Variants in MED12L observed in about 807,000 individuals in gnomAD.
The protein encoded by MED12L is mediator complex subunit 12L.
Under a neutral mutation model 281.3 loss-of-function variants are expected in MED12L, and 60 were observed. The observed-to-expected ratio is 0.21, with a 90% CI of 0.17 to 0.26. The LOEUF is 0.26. Ranked by LOEUF, MED12L falls within the 10% of genes least tolerant of loss-of-function variation. MED12L has a pLI of 1.00. For synonymous variants in MED12L, 974 were observed against 987.2 expected, an observed-to-expected ratio of 0.99 and a Z score of 0.25; for missense variants, 2,146 against 2,680.9, an observed-to-expected ratio of 0.80 and a Z score of 4.41.
At chr3:151,229,388 A>G (rs556110169) in intron 16 of MED12L, among the ~76,000 whole-genome samples, 1 of 143,096 alleles carries the variant, frequency 7.0e-6, no homozygotes, top group South Asian at 2.2e-4. Flanking sequence ...GCTCACTGCA[A>G]CCTCGCCTCC....
chr3:151,393,200 C>G (rs960622830), intron 38 of MED12L, among the ~76,000 whole-genome samples: 7 of 151,980 alleles, frequency 4.6e-5, no homozygotes, highest in African/African-American at 1.7e-4. Context: ...TCTGCTTTTT[C>G]CAAAGAGGAT....
Position 151,387,959 on chromosome 3 carries a change from G to A in MED12L, c.5238G>A (p.Leu1746=), listed in dbSNP as rs530265514. Residue 1746 remains leucine (L), a synonymous_variant, in exon 37 of 45, where the codon CTG becomes CTA. Coordinates refer to ENST00000687756, the MANE Select transcript of MED12L (RefSeq NM_001393769.1). ...ACGAGGAGCAGCATCACCTCCTGCT[G>A]TATCACACACACCCCATGCCCAAGC... ...IKYEEQHHLL[L]YHTHPMPKPR... 1.2e-6 allele frequency: 2 copies of A among 1,613,958 alleles called. No individual in the cohort carries two copies. Among genetic ancestry groups the A allele is most frequent in the South Asian group, 2.2e-5 (2 of 91,058 alleles).
chr3:151,196,703 T>C (rs1724706008), intron 16 of MED12L, among the ~76,000 whole-genome samples: 2 of 152,246 alleles, frequency 1.3e-5, no homozygotes, highest in Non-Finnish European at 2.9e-5. Context: ...TGCTGGAGTT[T>C]CTGTCATTAC....
At position 151,164,000 on chromosome 3, in the gene MED12L, C is replaced by T; in HGVS notation, c.1215C>T (p.Ser405=). 1 of 1,613,784 alleles carries T rather than the reference C, an allele frequency of 6.2e-7. No individual in the cohort carries two copies. Among genetic ancestry groups the T allele is most frequent in the South Asian group, 1.1e-5 (1 of 91,012 alleles). ...TGGATCTGCTGCAGGTGGCCCCGTC[C>T]AGCCTCCCCATGCCGGGTGGGAACA... ...SPLDLLQVAP[S]SLPMPGGNTA... is the part of the protein sequence containing the mutation. Residue 405 remains serine (S), a synonymous_variant, in exon 9 of 45, where the codon TCC becomes TCT. Coordinates refer to ENST00000687756, the MANE Select transcript of MED12L (RefSeq NM_001393769.1).
At chr3:151,268,659 T>C (rs1740290730) in intron 16 of MED12L, among the ~76,000 whole-genome samples, 1 of 152,228 alleles carries the variant, frequency 6.6e-6, no homozygotes, top group Non-Finnish European at 1.5e-5. Context: ...AGGCTGAGCA[T>C]AGAGCCTTTA....
chr3:151,268,399 C>A (rs1295535289), intron 16 of MED12L, among the ~76,000 whole-genome samples: 1 of 152,162 alleles, frequency 6.6e-6, no homozygotes, highest in East Asian at 1.9e-4. Flanking sequence ...GGTGAGCATA[C>A]TGCTCTCCAT....
At chr3:151,249,218 AGT>A (rs1250958968) in intron 16 of MED12L, 1 of 152,222 alleles carries the variant, frequency 6.6e-6, no homozygotes, top group Non-Finnish European at 1.5e-5. Context: ...AGACTGAGCA[AGT>A]GAGAGCTCCA....
At chr3:151,190,651 C>A in intron 13 of MED12L, 66 bp from the exon 14 acceptor site, 1 of 1,353,572 alleles carries the variant, frequency 7.4e-7, no homozygotes, top group Non-Finnish European at 1.0e-6. Context: ...AAATATTAAG[C>A]CTTAGTAATT....
rs533507815 is a variant in MED12L, at chr3:151,432,304, G to C, written c.6491-448G>C. Among the ~76,000 whole-genome samples, 4 of 152,332 alleles carry C rather than the reference G, an allele frequency of 2.6e-5. No individual in the cohort carries two copies. In the East Asian group the frequency reaches 7.7e-4, roughly 29 times the overall value. The stretch of plus-strand genomic sequence containing the variant: ...CAGTCTTGCACCTGCATATACTCTT[G>C]CACAGTTCTGTTGTACATACCTTAT... On this transcript the variant is annotated intron_variant, in intron 44 of 44. Transcript: ENST00000687756.
chr3:151,121,589 G>A (rs1055516771), intron 3 of MED12L, among the ~76,000 whole-genome samples: 2 of 152,042 alleles, frequency 1.3e-5, no homozygotes, highest in African/African-American at 2.4e-5. Context: ...ACTTCATTGG[G>A]GATATTTATC....
chr3:151,228,750 A>G (rs773803758), intron 16 of MED12L, among the ~76,000 whole-genome samples: 2 of 152,214 alleles, frequency 1.3e-5, no homozygotes, highest in East Asian at 3.8e-4. Flanking sequence ...AAAGCTCTGC[A>G]TCACTCCTGG....
intron 16 of MED12L, among the ~76,000 whole-genome samples, chr3:151,244,492 CT>C (rs1230953833): frequency 6.8e-6 from 1 of 147,682 alleles, no homozygotes; most frequent in African/African-American, 2.5e-5. Context: ...TACATGGAAA[CT>C]GAACAACCTG....
At chr3:151,322,310 C>T (rs1409292823) in intron 16 of MED12L, among the ~76,000 whole-genome samples, 1 of 152,092 alleles carries the variant, frequency 6.6e-6, no homozygotes, top group Non-Finnish European at 1.5e-5. Flanking sequence ...TTTTGCCTCC[C>T]GAGTTGCTGG....
intron 36 of MED12L, among the ~76,000 whole-genome samples, chr3:151,385,871 T>G (rs1183796455): frequency 6.6e-6 from 1 of 152,142 alleles, no homozygotes; most frequent in African/African-American, 2.4e-5. Context: ...ATGAGAAAAT[T>G]GGTCAGTTAC....
At chr3:151,225,195 C>T (rs541393650) in intron 16 of MED12L, among the ~76,000 whole-genome samples, 5 of 152,286 alleles carry the variant, frequency 3.3e-5, no homozygotes, top group African/African-American at 9.6e-5. Flanking sequence ...AGGGTGCCCT[C>T]GACTTCACAG....
At chr3:151,225,032 GTCA>G (rs1730213908) in intron 16 of MED12L, among the ~76,000 whole-genome samples, 1 of 152,050 alleles carries the variant, frequency 6.6e-6, no homozygotes, top group Non-Finnish European at 1.5e-5. Flanking sequence ...AATTCTCTCT[GTCA>G]TCAGCCTCCT....
intron 37 of MED12L, among the ~76,000 whole-genome samples, chr3:151,388,491 C>T (rs1459421920): frequency 2.0e-5 from 3 of 152,134 alleles, no homozygotes; most frequent in Non-Finnish European, 2.9e-5. Context: ...TATACAATCC[C>T]ATTCTCTCAC....
intron 21 of MED12L, among the ~76,000 whole-genome samples, chr3:151,364,241 T>C (rs992238653): frequency 6.6e-6 from 1 of 152,184 alleles, no homozygotes; most frequent in South Asian, 2.1e-4. Context: ...AGGAGATAGG[T>C]TCTAATTCCT....
chr3:151,397,763 T>C (rs1715170918), intron 39 of MED12L, among the ~76,000 whole-genome samples: 1 of 152,222 alleles, frequency 6.6e-6, no homozygotes, highest in Non-Finnish European at 1.5e-5. Flanking sequence ...TAAGGACTAA[T>C]AATATAGTTA....
Sources: gnomAD v4.1 joint callset for allele counts (sites outside exome capture counted in the v4.1 genomes callset) on GRCh38, gnomAD v4.1.1 for gene constraint, MANE v1.5 for transcripts, NCBI Gene and HGNC (gene_info 2026-07-23, HGNC 2026-07-21) for gene names.